Variants in TDRD9 observed in about 807,000 individuals in gnomAD.
TDRD9 encodes tudor domain containing 9.
In TDRD9, 124 loss-of-function variants were observed where a neutral mutation model predicts 172.6. The observed-to-expected ratio is 0.72, with a 90% CI of 0.62 to 0.83. The LOEUF (loss-of-function observed/expected upper bound fraction) is 0.83, where lower values mean the gene tolerates loss of function less well. Ranked by LOEUF, TDRD9 falls within the 40% of genes least tolerant of loss-of-function variation. The pLI, the probability that TDRD9 is intolerant of heterozygous loss-of-function variation, is 0.00. For missense variants in TDRD9, 1,479 were observed against 1,714.1 expected (o/e 0.86, Z 2.42); for synonymous variants, 619 against 617.1 (o/e 1.00, Z -0.05).
chr14:104,014,149 A>T (rs542677722), intron 20 of TDRD9, among the ~76,000 whole-genome samples: 1 of 150,722 alleles, frequency 6.6e-6, no homozygotes, highest in East Asian at 2.0e-4. Flanking sequence ...GAATGGCGTG[A>T]ACCTCGGAGG....
intron 29 of TDRD9, 90 bp downstream of exon 29, chr14:104,031,353 T>A: frequency 8.2e-7 from 1 of 1,213,972 alleles, no homozygotes; most frequent in Non-Finnish European, 1.1e-6. Context: ...TCATGGTGGT[T>A]TTTTCTTTTC....
chr14:103,986,105 T>C, intron 7 of TDRD9, 112 bp from the exon 8 acceptor site: 2 of 756,716 alleles, frequency 2.6e-6, no homozygotes. Flanking sequence ...AACTTTTATT[T>C]AGAGAGTTTG....
intron 26 of TDRD9, 92 bp from the exon 27 acceptor site, chr14:104,025,955 A>C: frequency 9.9e-7 from 1 of 1,006,778 alleles, no homozygotes; most frequent in Non-Finnish European, 1.5e-6. Flanking sequence ...TTCTATAATT[A>C]TAGGATTAGA....
intron 2 of TDRD9, among the ~76,000 whole-genome samples, chr14:103,956,189 C>T (rs2032233964): frequency 7.7e-6 from 1 of 129,574 alleles, no homozygotes; most frequent in East Asian, 2.3e-4. Context: ...CCTGTAATCC[C>T]AGCACTTTGG....
At chr14:103,970,714 C>A in intron 6 of TDRD9, 93 bp downstream of exon 6, 1 of 961,938 alleles carries the variant, frequency 1.0e-6, no homozygotes, top group Non-Finnish European at 1.6e-6. Context: ...GTCTATAGAG[C>A]ATTCTGGGAC....
chr14:104,051,355 A>T (rs751245257), intron 35 of TDRD9, among the ~76,000 whole-genome samples: 2 of 152,182 alleles, frequency 1.3e-5, no homozygotes, highest in Non-Finnish European at 2.9e-5. Flanking sequence ...TCCACTGTTG[A>T]TGGCCACCTG....
chr14:104,018,644 C>G (rs1162269487), intron 23 of TDRD9, among the ~76,000 whole-genome samples: 1 of 152,140 alleles, frequency 6.6e-6, no homozygotes, highest in African/African-American at 2.4e-5. Context: ...TGTAAAAACT[C>G]AATTTGGCTC....
chr14:103,950,167 G>A (rs1425030724), intron 1 of TDRD9, among the ~76,000 whole-genome samples: 1 of 130,010 alleles, frequency 7.7e-6, no homozygotes, highest in Non-Finnish European at 1.6e-5. Flanking sequence ...TCAGCTCACC[G>A]CAACCTCCGC....
intron 30 of TDRD9, among the ~76,000 whole-genome samples, chr14:104,032,762 G>A (rs1168009570): frequency 1.3e-5 from 2 of 152,208 alleles, no homozygotes; most frequent in African/African-American, 4.8e-5. Context: ...AATTATGGAT[G>A]CAGTTGGCGG....
chr14:103,952,341 C>G (rs1459072080), intron 1 of TDRD9, among the ~76,000 whole-genome samples: 1 of 141,846 alleles, frequency 7.0e-6, no homozygotes, highest in African/African-American at 2.6e-5. Context: ...CCCGGGTTCA[C>G]GCCAATCTTC....
At chr14:103,992,620 G>A (rs1595957576) in intron 9 of TDRD9, among the ~76,000 whole-genome samples, 1 of 152,150 alleles carries the variant, frequency 6.6e-6, no homozygotes, top group Non-Finnish European at 1.5e-5. Flanking sequence ...TTGGGAGGCC[G>A]AGGCTTAAGA....
Position 103,970,478 on chromosome 14 carries a change from G to A in TDRD9, c.766-63G>A, listed in dbSNP as rs2032970727. The A allele has an allele frequency of 4.1e-6, 5 of 1,231,146 alleles. No individual in the cohort carries two copies. The South Asian group carries it at 5.3e-5, about 13-fold the overall frequency. The allele number at this position is 1,231,146 out of a possible 1,614,324, so 76.3% of individuals were successfully genotyped here. A position where few individuals can be genotyped will look rare whatever the true frequency, so the allele number is the denominator to read the frequency against. On this transcript the variant is annotated intron_variant, in intron 5 of 35. Transcript: ENST00000409874. ...CCCAGTCCCCCAGTGGTGCCTTTCT[G>A]TCAGCAGTGTCATGTGTGTTGCCTG...
rs189022875 is a variant in TDRD9 at position 104,022,014 on chromosome 14, A to G, written c.2433-143A>G. 3.7e-4 allele frequency: 241 copies of G among 652,372 alleles called. 2 individuals are homozygous for G. The highest frequency in any genetic ancestry group is 3.3e-3 in the Middle Eastern group (8 of 2,418). The allele number at this position is 652,372 out of a possible 1,614,324, so 40.4% of individuals were successfully genotyped here. ...AATTTTCCATTGGAGAAATTAATAC[A>G]TGTTATTGATTAATTATAAATTGAA... On this transcript the variant is annotated intron_variant, in intron 23 of 35. Coordinates refer to ENST00000409874, the MANE Select transcript of TDRD9 (RefSeq NM_153046.3).
Position 104,040,337 on chromosome 14 carries a change from AAGGGT to A in TDRD9, c.3855+6_3855+10del. 6.5e-7 allele frequency: 1 copy of A among 1,548,370 alleles called. No homozygotes were observed. The highest frequency in any genetic ancestry group is 8.7e-7 in the Non-Finnish European group (1 of 1,144,910). ...TCAGCGTGGAGGATGTCGTCGAGGTAAGGGTAGTGCAGCATCACGGCACCACAACC... is the reference window on the plus strand; with the variant it reads ...TCAGCGTGGAGGATGTCGTCGAGGTAAGTGCAGCATCACGGCACCACAACC... On this transcript the variant is annotated splice_donor_5th_base_variant and intron_variant, in intron 33 of 35. Coordinates refer to ENST00000409874, the MANE Select transcript of TDRD9 (RefSeq NM_153046.3).
chr14:104,016,509 C>T (rs1388313439), intron 22 of TDRD9, among the ~76,000 whole-genome samples: 4 of 152,144 alleles, frequency 2.6e-5, no homozygotes, highest in African/African-American at 4.8e-5. Context: ...AACAGAACTA[C>T]CTGGAGAGTG....
Position 103,999,642 on chromosome 14 carries a change from G to GCCATTTAATCTTTTAATCTTCCT in TDRD9, c.1483+914_1483+915insCCATTTAATCTTTTAATCTTCCT, listed in dbSNP as rs2034185928. 7.1e-5 allele frequency among the ~76,000 whole-genome samples: 9 copies of GCCATTTAATCTTTTAATCTTCCT among 125,954 alleles called. 1 individual carries two copies. Among genetic ancestry groups the GCCATTTAATCTTTTAATCTTCCT allele is most frequent in the Non-Finnish European group, 1.0e-4 (6 of 58,318 alleles). 82.6% of individuals were successfully genotyped at this position (125,954 alleles called of 152,430 possible). A position where few individuals can be genotyped will look rare whatever the true frequency, so the allele number is the denominator to read the frequency against. On this transcript the variant is annotated intron_variant, in intron 13 of 35. Coordinates refer to ENST00000409874, the MANE Select transcript of TDRD9 (RefSeq NM_153046.3). ...GGCTTTTTTTTTTGTTTGTTTTTTA[G>GCCATTTAATCTTTTAATCTTCCT]AAAACCTTTTGGGAAGGGTAGATAA... is the stretch of plus-strand genomic sequence containing the variant.
intron 23 of TDRD9, among the ~76,000 whole-genome samples, chr14:104,019,168 A>G (rs186453861): frequency 5.3e-5 from 8 of 152,342 alleles, no homozygotes; most frequent in African/African-American, 1.9e-4. Context: ...AGCTAAACTC[A>G]TTCCTGAATA....
At chr14:104,047,529 A>G (rs891215637) in intron 34 of TDRD9, among the ~76,000 whole-genome samples, 8 of 152,072 alleles carry the variant, frequency 5.3e-5, no homozygotes, top group African/African-American at 1.9e-4. Context: ...CCTTTTACTT[A>G]CAGTATATTT....
At chr14:104,036,581 T>C (rs1352590261) in intron 32 of TDRD9, among the ~76,000 whole-genome samples, 1 of 152,210 alleles carries the variant, frequency 6.6e-6, no homozygotes, top group East Asian at 1.9e-4. Flanking sequence ...AAGCTCCTGC[T>C]TCACCTCTTT....
Sources: allele counts gnomAD v4.1 joint callset (sites outside exome capture counted in the v4.1 genomes callset), GRCh38; gene constraint gnomAD v4.1.1; transcripts MANE v1.5; gene names NCBI Gene and HGNC (gene_info 2026-07-23, HGNC 2026-07-21).